Variants in RNF32 observed in about 807,000 individuals in gnomAD.
The protein encoded by RNF32 is ring finger protein 32.
In RNF32, 36 loss-of-function variants were observed where a neutral mutation model predicts 41.0. That is an observed-to-expected ratio of 0.88 (90% CI 0.67 to 1.16). The LOEUF (loss-of-function observed/expected upper bound fraction) is 1.16, where lower values mean the gene tolerates loss of function less well. Among genes scored for constraint, RNF32 ranks in the 50% most tolerant of loss-of-function variants. The pLI is 0.00. For synonymous variants in RNF32, 154 were observed against 160.9 expected, an observed-to-expected ratio of 0.96 and a Z score of 0.32; for missense variants, 413 against 436.7, an observed-to-expected ratio of 0.95 and a Z score of 0.48.
At chr7:156,660,012 G>A (rs912746926) in intron 7 of RNF32, 32 of 985,380 alleles carry the variant, frequency 3.2e-5, no homozygotes, top group East Asian at 1.1e-4. Context: ...CCCACTGGAC[G>A]TTGGGTCCGC....
chr7:156,659,878 T>C, intron 7 of RNF32: 1 of 984,234 alleles, frequency 1.0e-6, no homozygotes, highest in South Asian at 4.7e-5. Context: ...AAACGAAAAA[T>C]AACAAAAAGC....
intron 7 of RNF32, among the ~76,000 whole-genome samples, chr7:156,664,065 C>T (rs1454250713): frequency 6.6e-6 from 1 of 152,214 alleles, no homozygotes; most frequent in African/African-American, 2.4e-5. Flanking sequence ...ACGTGTGCAG[C>T]TCAGAGCGGG....
At chr7:156,647,351 AC>A (rs1798097070) in intron 3 of RNF32, among the ~76,000 whole-genome samples, 1 of 148,978 alleles carries the variant, frequency 6.7e-6, no homozygotes, top group South Asian at 2.2e-4. Context: ...ACACCCTCCC[AC>A]CCTCCGCCTC....
intron 7 of RNF32, among the ~76,000 whole-genome samples, chr7:156,666,521 T>C (rs1015915160): frequency 3.3e-5 from 5 of 152,236 alleles, no homozygotes; most frequent in African/African-American, 7.2e-5. Context: ...TTCAGCTATA[T>C]TGAAGTCTTG....
At chr7:156,654,797 T>TC in intron 4 of RNF32, 79 bp downstream of exon 4, 1 of 1,360,640 alleles carries the variant, frequency 7.3e-7, no homozygotes, top group South Asian at 1.4e-5. Flanking sequence ...AGCCTAAGAT[T>TC]CCAAGCTTCC....
intron 3 of RNF32, among the ~76,000 whole-genome samples, chr7:156,648,222 C>T (rs1222930303): frequency 6.6e-6 from 1 of 152,146 alleles, no homozygotes; most frequent in Non-Finnish European, 1.5e-5. Flanking sequence ...TGTCTTGGCG[C>T]AGGTCAGATG....
At chr7:156,652,951 A>T (rs577484286) in intron 3 of RNF32, among the ~76,000 whole-genome samples, 1 of 152,304 alleles carries the variant, frequency 6.6e-6, no homozygotes, top group East Asian at 1.9e-4. Flanking sequence ...AAGTTTAGAG[A>T]GTAAAAAAGT....
At chr7:156,647,688 G>A (rs1012565823) in intron 3 of RNF32, among the ~76,000 whole-genome samples, 1 of 152,140 alleles carries the variant, frequency 6.6e-6, no homozygotes, top group Non-Finnish European at 1.5e-5. Flanking sequence ...TTTCCTTTGG[G>A]TAGACACCCA....
chr7:156,643,798 C>A lies in RNF32; in HGVS notation c.-77-3C>A. On this transcript the variant is annotated splice_polypyrimidine_tract_variant and splice_region_variant and intron_variant, in intron 1 of 8. Coordinates refer to ENST00000317955, the MANE Select transcript of RNF32 (RefSeq NM_030936.4). ...TGACTTTCTGTTGACCACGTCTTTG[C>A]AGCAGAAGAATAGAAGGAAGGTGAT... 1.5e-6 allele frequency: 2 copies of A among 1,317,730 alleles called. No individual in the cohort carries two copies. The highest frequency in any genetic ancestry group is 1.1e-6 in the Non-Finnish European group (1 of 914,604). 81.6% of individuals were successfully genotyped at this position (1,317,730 alleles called of 1,614,324 possible).
chr7:156,647,189 TTTC>T (rs1405756870), intron 3 of RNF32, among the ~76,000 whole-genome samples: 1 of 151,664 alleles, frequency 6.6e-6, no homozygotes, highest in East Asian at 1.9e-4. Flanking sequence ...TTTGTGTGTG[TTTC>T]TTCTTTTTTA....
At chr7:156,643,285 C>G (rs1372158409) in intron 1 of RNF32, among the ~76,000 whole-genome samples, 1 of 152,200 alleles carries the variant, frequency 6.6e-6, no homozygotes, top group Non-Finnish European at 1.5e-5. Context: ...ATATTCTGTA[C>G]TTCTGTGTTC....
intron 7 of RNF32, chr7:156,659,791 T>TA (rs1479364200): frequency 2.9e-6 from 2 of 688,332 alleles, no homozygotes; most frequent in Non-Finnish European, 3.6e-6. Flanking sequence ...TCTTGTAAAG[T>TA]AGCCAGTGAA....
chr7:156,654,077 A>T (rs1799203238), intron 3 of RNF32: 1 of 152,206 alleles, frequency 6.6e-6, no homozygotes, highest in Non-Finnish European at 1.5e-5. Context: ...CGTATTGAAA[A>T]TGTCAGGTAT....
intron 3 of RNF32, among the ~76,000 whole-genome samples, chr7:156,645,611 G>C (rs1401508668): frequency 6.6e-6 from 1 of 152,200 alleles, no homozygotes; most frequent in Non-Finnish European, 1.5e-5. Flanking sequence ...CAGTGTGACA[G>C]AGAACCAGAT....
chr7:156,642,337 C>CAT (rs1797458276), intron 1 of RNF32, among the ~76,000 whole-genome samples: 3 of 152,196 alleles, frequency 2.0e-5, no homozygotes, highest in Admixed American at 2.0e-4. Flanking sequence ...CACTGAAGTA[C>CAT]ATATGAGCTC....
chr7:156,655,932 G>C (rs951612879), intron 4 of RNF32, among the ~76,000 whole-genome samples: 1 of 152,192 alleles, frequency 6.6e-6, no homozygotes, highest in African/African-American at 2.4e-5. Context: ...ATGGGGATCA[G>C]GGTGTACCCT....
chr7:156,663,647 G>C (rs750041148), intron 7 of RNF32, among the ~76,000 whole-genome samples: 28 of 152,294 alleles, frequency 1.8e-4, no homozygotes, highest in South Asian at 1.0e-3. Flanking sequence ...TTTTTTAAAA[G>C]ACAGATTGAT....
At chr7:156,651,476 A>C (rs1798733592) in intron 3 of RNF32, among the ~76,000 whole-genome samples, 1 of 152,092 alleles carries the variant, frequency 6.6e-6, no homozygotes. Context: ...GGCCTCCCAA[A>C]GTGCTGAGAT....
chr7:156,673,053 G>C (rs530637903), intron 7 of RNF32, among the ~76,000 whole-genome samples: 1 of 152,222 alleles, frequency 6.6e-6, no homozygotes, highest in Non-Finnish European at 1.5e-5. Context: ...CTGAGGCTGC[G>C]GGGTCTGGGC....
Sources: allele counts gnomAD v4.1 joint callset (sites outside exome capture counted in the v4.1 genomes callset), GRCh38; gene constraint gnomAD v4.1.1; transcripts MANE v1.5; gene names NCBI Gene and HGNC (gene_info 2026-07-23, HGNC 2026-07-21).